Variants in SLC39A11 observed in about 807,000 individuals in gnomAD.
SLC39A11 encodes zinc transporter ZIP11.
In SLC39A11, 33 loss-of-function variants were observed where a neutral mutation model predicts 36.1. The observed-to-expected ratio is 0.91, with a 90% CI of 0.69 to 1.22. The LOEUF (loss-of-function observed/expected upper bound fraction) is 1.22. Ranked by LOEUF, SLC39A11 falls within the 50% of genes most tolerant of loss-of-function variation. The pLI is 0.00. For missense variants in SLC39A11, 432 were observed against 430.3 expected (o/e 1.00, Z -0.03); for synonymous variants, 166 against 170.3 (o/e 0.97, Z 0.20).
At chr17:72,878,063 C>G (rs894750523) in intron 5 of SLC39A11, among the ~76,000 whole-genome samples, 3 of 147,370 alleles carry the variant, frequency 2.0e-5, no homozygotes, top group African/African-American at 7.5e-5. Flanking sequence ...AGTGAGAACA[C>G]GCGGTGTTTG....
intron 5 of SLC39A11, among the ~76,000 whole-genome samples, chr17:72,936,426 A>G: frequency 6.8e-6 from 1 of 147,046 alleles, no homozygotes; most frequent in Non-Finnish European, 1.5e-5. Flanking sequence ...AAAAAAAAAA[A>G]AAAAAAAAAA....
intron 3 of SLC39A11, among the ~76,000 whole-genome samples, chr17:73,066,465 T>G (rs2059999388): frequency 6.6e-6 from 1 of 152,178 alleles, no homozygotes; most frequent in South Asian, 2.1e-4. Context: ...CCAACATCCA[T>G]TACACCTCCT....
intron 7 of SLC39A11, among the ~76,000 whole-genome samples, chr17:72,659,173 G>T (rs954594854): frequency 6.6e-6 from 1 of 152,192 alleles, no homozygotes; most frequent in Non-Finnish European, 1.5e-5. Flanking sequence ...ACATTTGGAA[G>T]GTCCCTGTCT....
Position 72,842,912 on chromosome 17 carries a change from A to G in SLC39A11, c.601+6722T>C, listed in dbSNP as rs1371916830. Among the ~76,000 whole-genome samples, 6 of 152,234 alleles carry G rather than the reference A, an allele frequency of 3.9e-5. No homozygotes were observed. In the East Asian group the frequency reaches 9.6e-4, roughly 24 times the overall value. On this transcript the variant is annotated intron_variant, in intron 6 of 9. Transcript: ENST00000255559. ...CTTCCTAAGACATTTCAATTGCACA[A>G]CTATACTTTTCTTTGTCCTCTAAAG...
intron 4 of SLC39A11, among the ~76,000 whole-genome samples, chr17:73,018,948 G>A (rs752155718): frequency 8.6e-5 from 13 of 152,028 alleles, no homozygotes; most frequent in Non-Finnish European, 1.5e-4. Context: ...AGCAGCCATA[G>A]AAAAAGTCAC....
At chr17:72,723,878 C>T (rs1056466741) in intron 7 of SLC39A11, among the ~76,000 whole-genome samples, 2 of 152,274 alleles carry the variant, frequency 1.3e-5, no homozygotes, top group African/African-American at 4.8e-5. Flanking sequence ...TTAAGTTCTT[C>T]ATTCTCCTCC....
chr17:72,676,897 G>C (rs745405143), intron 7 of SLC39A11, among the ~76,000 whole-genome samples: 1 of 152,210 alleles, frequency 6.6e-6, no homozygotes, highest in Non-Finnish European at 1.5e-5. Context: ...TGTTGGAGGA[G>C]TGAAGCCCAT....
At chr17:73,003,143 G>A (rs1291477563) in intron 4 of SLC39A11, among the ~76,000 whole-genome samples, 1 of 152,136 alleles carries the variant, frequency 6.6e-6, no homozygotes, top group Non-Finnish European at 1.5e-5. Flanking sequence ...CTGCTGCTGG[G>A]GCTTCCCAAG....
At chr17:72,833,759 C>T (rs1227751092) in intron 6 of SLC39A11, among the ~76,000 whole-genome samples, 5 of 152,126 alleles carry the variant, frequency 3.3e-5, no homozygotes, top group Admixed American at 3.3e-4. Flanking sequence ...AGCCCTTGTG[C>T]AGCTCCTTCC....
rs753417808 is a variant in SLC39A11, at chr17:72,893,096, C to A, written c.431-43292G>T. Among the ~76,000 whole-genome samples, 28 of 152,256 alleles carry A rather than the reference C, an allele frequency of 1.8e-4. No homozygotes were observed. In the East Asian group the frequency reaches 2.5e-3, roughly 14 times the overall value. ...TATACTAAGTTCTAACTAAACAATA[C>A]CCACTACCAACTTCCCTCCAAAAAG... On this transcript the variant is annotated intron_variant, in intron 5 of 9. Coordinates refer to ENST00000255559, the MANE Select transcript of SLC39A11 (RefSeq NM_139177.4).
intron 5 of SLC39A11, among the ~76,000 whole-genome samples, chr17:72,900,792 C>T (rs556681327): frequency 2.6e-5 from 4 of 152,110 alleles, no homozygotes; most frequent in Admixed American, 6.5e-5. Flanking sequence ...CAGGTGTTTC[C>T]GAGTCACTGT....
intron 3 of SLC39A11, among the ~76,000 whole-genome samples, chr17:73,059,424 G>C (rs914142698): frequency 5.9e-5 from 9 of 151,830 alleles, no homozygotes; most frequent in Non-Finnish European, 1.3e-4. Flanking sequence ...CCAGCACTTT[G>C]GGGAGGCTGA....
intron 6 of SLC39A11, among the ~76,000 whole-genome samples, chr17:72,814,042 C>G (rs1234117183): frequency 6.6e-6 from 1 of 152,162 alleles, no homozygotes; most frequent in Non-Finnish European, 1.5e-5. Flanking sequence ...TGACATTACC[C>G]TCTCATTCTA....
chr17:72,811,531 T>C (rs2077434927), intron 6 of SLC39A11, among the ~76,000 whole-genome samples: 1 of 152,238 alleles, frequency 6.6e-6, no homozygotes, highest in Admixed American at 6.5e-5. Context: ...TCTTTGCCTG[T>C]CAGAGATGCA....
chr17:72,717,864 G>A (rs1242015861), intron 7 of SLC39A11, among the ~76,000 whole-genome samples: 1 of 152,160 alleles, frequency 6.6e-6, no homozygotes, highest in Non-Finnish European at 1.5e-5. Flanking sequence ...AGGAGGTGAG[G>A]CTGGAGAAGT....
intron 6 of SLC39A11, among the ~76,000 whole-genome samples, chr17:72,782,864 G>A (rs1241577789): frequency 6.6e-6 from 1 of 151,248 alleles, no homozygotes; most frequent in African/African-American, 2.4e-5. Flanking sequence ...TAGCCAGACG[G>A]GGTGGTGCCC....
intron 4 of SLC39A11, among the ~76,000 whole-genome samples, chr17:72,975,919 C>T (rs989515633): frequency 6.6e-6 from 1 of 152,214 alleles, no homozygotes; most frequent in South Asian, 2.1e-4. Flanking sequence ...ACCTGTAATT[C>T]CAGCACTTTG....
chr17:73,007,027 G>A (rs80125798), intron 4 of SLC39A11, among the ~76,000 whole-genome samples: 56 of 152,328 alleles, frequency 3.7e-4, no homozygotes, highest in African/African-American at 1.1e-3. Flanking sequence ...AAACAAGAAT[G>A]ATGACGCCAC....
chr17:72,705,536 AG>A (rs2072854681), intron 7 of SLC39A11, among the ~76,000 whole-genome samples: 2 of 152,330 alleles, frequency 1.3e-5, no homozygotes, highest in Admixed American at 1.3e-4. Flanking sequence ...GGCTGGATTA[AG>A]GGTGAATGGG....
Sources: gnomAD v4.1 joint callset for allele counts (sites outside exome capture counted in the v4.1 genomes callset) on GRCh38, gnomAD v4.1.1 for gene constraint, MANE v1.5 for transcripts, NCBI Gene and HGNC (gene_info 2026-07-23, HGNC 2026-07-21) for gene names.